Variants in LINGO2 observed in about 807,000 individuals in gnomAD.
LINGO2 encodes the protein leucine-rich repeat and immunoglobulin-like domain-containing nogo receptor-interacting protein 2.
Under a neutral mutation model 30.6 loss-of-function variants are expected in LINGO2, and 14 were observed. That is an observed-to-expected ratio of 0.46 (90% confidence interval 0.30 to 0.72). The LOEUF (loss-of-function observed/expected upper bound fraction) is 0.72. Ranked by LOEUF, LINGO2 falls within the 30% of genes least tolerant of loss-of-function variation. The pLI is 0.07. For synonymous variants in LINGO2, 317 were observed against 288.5 expected (o/e 1.10, Z -1.00); for missense variants, 729 against 751.7 (o/e 0.97, Z 0.35).
At chr9:28,021,433 T>G (rs73441750) in intron 4 of LINGO2, among the ~76,000 whole-genome samples, 18,481 of 152,158 alleles carry the variant, frequency 0.12, 1,216 homozygotes, top group South Asian at 0.21. Flanking sequence ...TGGTGAATGC[T>G]CCACGTGAGT....
the LINGO2 span, among the ~76,000 whole-genome samples, chr9:29,011,067 T>C: frequency 2.0e-5 from 3 of 152,194 alleles, no homozygotes; most frequent in African/African-American, 7.2e-5. Flanking sequence ...GTGCTCACAC[T>C]GGTTTCAAAA....
At chr9:28,699,461 C>A in the LINGO2 span, among the ~76,000 whole-genome samples, 1 of 152,026 alleles carries the variant, frequency 6.6e-6, no homozygotes, top group Non-Finnish European at 1.5e-5. Flanking sequence ...TGTACGTCAT[C>A]TCAGGATCAC....
At chr9:28,799,358 A>G in the LINGO2 span, among the ~76,000 whole-genome samples, 1 of 152,100 alleles carries the variant, frequency 6.6e-6, no homozygotes, top group Admixed American at 6.6e-5. Context: ...TCCATATCCC[A>G]CCCAAGGCCA....
chr9:28,590,519 G>A (rs1416320358), intron 1 of LINGO2, among the ~76,000 whole-genome samples: 3 of 152,022 alleles, frequency 2.0e-5, no homozygotes, highest in African/African-American at 7.2e-5. Flanking sequence ...ACACTTCTCA[G>A]AAGAACACAT....
chr9:29,022,027 ATC>A, the LINGO2 span, among the ~76,000 whole-genome samples: 1 of 152,056 alleles, frequency 6.6e-6, no homozygotes, highest in Non-Finnish European at 1.5e-5. Flanking sequence ...TTACCCTTAT[ATC>A]TGTTTTATTT....
the LINGO2 span, among the ~76,000 whole-genome samples, chr9:29,123,716 C>T: frequency 6.6e-6 from 1 of 151,838 alleles, no homozygotes; most frequent in Non-Finnish European, 1.5e-5. Flanking sequence ...ACAATGCATT[C>T]GTAGCAGTTA....
At chr9:28,109,650 T>C (rs771092604) in intron 4 of LINGO2, among the ~76,000 whole-genome samples, 3 of 152,098 alleles carry the variant, frequency 2.0e-5, no homozygotes, top group Non-Finnish European at 4.4e-5. Context: ...TCACAATTGC[T>C]TCAAAGAGAA....
At chr9:28,016,161 A>T (rs1822826236) in intron 4 of LINGO2, among the ~76,000 whole-genome samples, 1 of 152,106 alleles carries the variant, frequency 6.6e-6, no homozygotes, top group Non-Finnish European at 1.5e-5. Flanking sequence ...TCCAGCTAAT[A>T]TCCAAGAATA....
intron 4 of LINGO2, among the ~76,000 whole-genome samples, chr9:28,108,723 C>T (rs1042629663): frequency 6.6e-6 from 1 of 152,050 alleles, no homozygotes; most frequent in African/African-American, 2.4e-5. Context: ...ACCAACAGTC[C>T]TTGAATACTT....
intron 4 of LINGO2, among the ~76,000 whole-genome samples, chr9:28,066,352 T>C (rs1825313584): frequency 6.6e-6 from 1 of 152,120 alleles, no homozygotes; most frequent in African/African-American, 2.4e-5. Context: ...TGGCTTTTAT[T>C]TGTCTGCTTA....
the LINGO2 span, among the ~76,000 whole-genome samples, chr9:29,141,408 A>G: frequency 6.6e-6 from 1 of 151,886 alleles, no homozygotes; most frequent in Admixed American, 6.6e-5. Context: ...AAAATACTAC[A>G]GAGGATACAC....
At chr9:29,098,404 G>A in the LINGO2 span, among the ~76,000 whole-genome samples, 1 of 152,066 alleles carries the variant, frequency 6.6e-6, no homozygotes, top group South Asian at 2.1e-4. Flanking sequence ...ATCTTGGGAA[G>A]ATTCAAGTAG....
At position 27,956,614 on chromosome 9, in the gene LINGO2, C is replaced by T. The variant is rs537087692; in HGVS notation, c.-35-5908G>A. On this transcript the variant is annotated intron_variant, in intron 5 of 5. Coordinates refer to ENST00000379992, the Ensembl canonical transcript of LINGO2. ...GTTTCTATTTAAGAGCCCCTAGAGC[C>T]TATATGCCAATGTCTTGAAGATTTT... 1.1e-3 allele frequency among the ~76,000 whole-genome samples: 174 copies of T among 152,082 alleles called. 1 individual carries two copies. The highest frequency in any genetic ancestry group is 3.4e-3 in the Middle Eastern group (1 of 294).
intron 1 of LINGO2, among the ~76,000 whole-genome samples, chr9:28,556,912 A>C (rs1822735242): frequency 6.6e-6 from 1 of 152,146 alleles, no homozygotes; most frequent in Non-Finnish European, 1.5e-5. Context: ...TTGCCTATTT[A>C]ATAAATGGTG....
intron 4 of LINGO2, among the ~76,000 whole-genome samples, chr9:28,287,165 A>T (rs1823542315): frequency 6.6e-6 from 1 of 152,216 alleles, no homozygotes; most frequent in Non-Finnish European, 1.5e-5. Flanking sequence ...TTCTTAGATT[A>T]TTTTCAGAAC....
At chr9:28,417,136 T>A (rs1380881674) in intron 2 of LINGO2, among the ~76,000 whole-genome samples, 2 of 152,132 alleles carry the variant, frequency 1.3e-5, no homozygotes, top group Non-Finnish European at 2.9e-5. Flanking sequence ...GTGGAATTTA[T>A]AAAAGAAGTC....
intron 4 of LINGO2, among the ~76,000 whole-genome samples, chr9:28,033,106 C>A (rs1209315104): frequency 2.6e-5 from 4 of 152,200 alleles, no homozygotes; most frequent in Non-Finnish European, 4.4e-5. Context: ...TCTGCATTTG[C>A]TGCTATGATC....
intron 4 of LINGO2, among the ~76,000 whole-genome samples, chr9:28,144,675 A>T (rs1827765616): frequency 6.6e-6 from 1 of 152,180 alleles, no homozygotes; most frequent in Admixed American, 6.5e-5. Flanking sequence ...GTGCTGGAAG[A>T]TGGGGACAGA....
At chr9:28,626,972 G>A (rs1826710303) in intron 1 of LINGO2, among the ~76,000 whole-genome samples, 1 of 151,678 alleles carries the variant, frequency 6.6e-6, no homozygotes, top group Non-Finnish European at 1.5e-5. Context: ...TTTATTAGCT[G>A]ATGCATTTCT....
Sources: gnomAD v4.1 joint callset for allele counts (sites outside exome capture counted in the v4.1 genomes callset) on GRCh38, gnomAD v4.1.1 for gene constraint, MANE v1.5 for transcripts, NCBI Gene and HGNC (gene_info 2026-07-23, HGNC 2026-07-21) for gene names.